Variants in RYR2 observed in about 807,000 individuals in gnomAD.
The protein encoded by RYR2 is cardiac muscle ryanodine receptor-calcium release channel.
A neutral mutation model predicts 601.1 loss-of-function variants in RYR2; 227 were observed. That is an observed-to-expected ratio of 0.38 (90% CI 0.34 to 0.42). The LOEUF is 0.42. RYR2 is among the 10% of genes least tolerant of loss of function. The pLI is 1.00. For missense variants in RYR2, 4,646 were observed against 6,156.5 expected (o/e 0.75, Z 8.21); for synonymous variants, 2,223 against 2,175.1 (o/e 1.02, Z -0.61).
At position 237,082,558 on chromosome 1, in the gene RYR2, A is replaced by ATATATAT. The variant is rs1558200818; in HGVS notation, c.48+39989_48+39990insTATATAT. 2.2e-3 allele frequency among the ~76,000 whole-genome samples: 54 copies of ATATATAT among 24,208 alleles called. 1 individual carries two copies. Among genetic ancestry groups the ATATATAT allele is most frequent in the African/African-American group, 3.1e-3 (48 of 15,706 alleles). 15.9% of individuals were successfully genotyped at this position (24,208 alleles called of 152,430 possible). A position where few individuals can be genotyped will look rare whatever the true frequency, so the allele number is the denominator to read the frequency against. On this transcript the variant is annotated intron_variant, in intron 1 of 104. Transcript: ENST00000366574. Reference sequence around the variant, plus strand: ...ATATATATATATATATATATATATAAAATCGGATATAAAATCAGAGAGTAA... The same window carrying ATATATAT: ...ATATATATATATATATATATATATAATATATATAATCGGATATAAAATCAGAGAGTAA...
At chr1:237,736,457 G>A (rs1455478767) in intron 79 of RYR2, among the ~76,000 whole-genome samples, 4 of 57,328 alleles carry the variant, frequency 7.0e-5, no homozygotes, top group Admixed American at 2.0e-4. Context: ...GTGAGAGTCC[G>A]TTTCAAAAAA....
chr1:237,099,269 G>A (rs953771772), intron 1 of RYR2, among the ~76,000 whole-genome samples: 3 of 152,088 alleles, frequency 2.0e-5, no homozygotes, highest in African/African-American at 7.2e-5. Context: ...ACAGGGTCTT[G>A]TTCTGTGACT....
intron 4 of RYR2, among the ~76,000 whole-genome samples, chr1:237,361,227 A>G (rs1558684300): frequency 6.6e-6 from 1 of 152,206 alleles, no homozygotes; most frequent in East Asian, 1.9e-4. Flanking sequence ...GGAACTCAGA[A>G]TTGTTGTTAA....
chr1:237,772,514 T>C (rs921483691), intron 86 of RYR2, among the ~76,000 whole-genome samples: 1 of 152,220 alleles, frequency 6.6e-6, no homozygotes, highest in African/African-American at 2.4e-5. Context: ...CTAAGGTCAG[T>C]TCTTTTCAGC....
intron 10 of RYR2, among the ~76,000 whole-genome samples, chr1:237,411,760 T>C (rs1476128060): frequency 6.6e-6 from 1 of 152,082 alleles, no homozygotes; most frequent in South Asian, 2.1e-4. Flanking sequence ...CTTAAGAAAG[T>C]TAATAACAAT....
At chr1:237,780,601 G>A (rs918792247) in intron 88 of RYR2, among the ~76,000 whole-genome samples, 5 of 152,142 alleles carry the variant, frequency 3.3e-5, no homozygotes, top group African/African-American at 4.8e-5. Flanking sequence ...ATAGCTAAGC[G>A]TAGTGATGTT....
At position 237,732,079 on chromosome 1, in the gene RYR2, G is replaced by A. The variant is rs1476256919; in HGVS notation, c.10969G>A (p.Gly3657Ser). The change falls in exon 78 of 105, where the codon GGC becomes AGC. Residue 3657 changes from glycine to serine, a missense_variant. Around this residue, in one of 17 missense-constraint regions of RYR2, gnomAD observed 1,497 missense variants for 1,842.6 expected, o/e 0.81. Transcript: ENST00000366574. The part of the protein sequence containing the change: ...PGAEPPEEDE[G>S]TKRVDPLHQL... ...GGCTGAACCTCCAGAAGAAGATGAA[G>A]GCACTAAGAGAGTTGATCCTCTACA... 2 of 1,608,668 alleles carry A rather than the reference G, an allele frequency of 1.2e-6. No homozygotes were observed. The highest frequency in any genetic ancestry group is 1.1e-5 in the South Asian group (1 of 90,396).
chr1:237,576,140 C>A, intron 29 of RYR2, among the ~76,000 whole-genome samples: 1 of 152,102 alleles, frequency 6.6e-6, no homozygotes, highest in East Asian at 1.9e-4. Context: ...GTGTTATGTT[C>A]ATGGAGAAGA....
Position 237,589,879 on chromosome 1 carries a change from A to G in RYR2, c.3685A>G (p.Ile1229Val). 6.2e-7 allele frequency: 1 copy of G among 1,613,900 alleles called. No individual in the cohort carries two copies. ...TGTCAGCACCTTGAAATATTTCACC[A>G]TCTGTGGCTTACAAGAGGGCTATGA... is the stretch of plus-strand genomic sequence containing the variant. The part of the protein sequence containing the change: ...KDVSTLKYFT[I>V]CGLQEGYEPF... Residue 1229 changes from isoleucine (I) to valine (V), a missense_variant, in exon 30 of 105, where the codon ATC becomes GTC. By Grantham distance (29) the Ile-to-Val change is conservative. Around this residue, in one of 17 missense-constraint regions of RYR2, gnomAD observed 1,807 missense variants for 2,088.1 expected, o/e 0.87. Transcript: ENST00000366574.
intron 20 of RYR2, among the ~76,000 whole-genome samples, chr1:237,499,015 G>A (rs1664359915): frequency 6.6e-6 from 1 of 152,008 alleles, no homozygotes; most frequent in Non-Finnish European, 1.5e-5. Flanking sequence ...TGGAATGTGA[G>A]TTATGAAGCT....
At chr1:237,177,779 G>T (rs953668671) in intron 1 of RYR2, among the ~76,000 whole-genome samples, 2 of 152,228 alleles carry the variant, frequency 1.3e-5, no homozygotes, top group Non-Finnish European at 2.9e-5. Flanking sequence ...ACATGTACAA[G>T]AATTTCTTTA....
chr1:237,543,220 GT>G (rs1187049923), intron 25 of RYR2, among the ~76,000 whole-genome samples: 2 of 152,060 alleles, frequency 1.3e-5, no homozygotes, highest in Non-Finnish European at 2.9e-5. Flanking sequence ...ATACTTCATG[GT>G]CTTGTTTCAA....
chr1:237,402,761 G>A (rs1406763649), intron 10 of RYR2, among the ~76,000 whole-genome samples: 1 of 139,334 alleles, frequency 7.2e-6, no homozygotes, highest in Non-Finnish European at 1.6e-5. Context: ...CAAAAAAATT[G>A]AAAAGCCAGA....
At chr1:237,764,929 T>C (rs1693730937) in intron 84 of RYR2, among the ~76,000 whole-genome samples, 1 of 152,160 alleles carries the variant, frequency 6.6e-6, no homozygotes, top group South Asian at 2.1e-4. Context: ...AGCTTTCAGA[T>C]GAATTATTTA....
At chr1:237,302,228 T>C (rs1693423609) in intron 2 of RYR2, among the ~76,000 whole-genome samples, 1 of 152,230 alleles carries the variant, frequency 6.6e-6, no homozygotes, top group Non-Finnish European at 1.5e-5. Context: ...ATTTATTTTC[T>C]GTCAAACAAG....
chr1:237,681,023 C>T (rs1685832978), intron 62 of RYR2, among the ~76,000 whole-genome samples: 2 of 152,116 alleles, frequency 1.3e-5, no homozygotes, highest in Admixed American at 1.3e-4. Context: ...AGTAAAGATA[C>T]CTATAAAATT....
chr1:237,595,800 C>T (rs2148476392), intron 34 of RYR2, 143 bp downstream of exon 34: 1 of 972,324 alleles, frequency 1.0e-6, no homozygotes, highest in African/African-American at 1.7e-5. Flanking sequence ...AGCAGACCTG[C>T]CCCTAGCAAG....
rs1553341640 is a variant in RYR2, at chr1:237,827,649, AAT to A, written c.14591-731_14591-730del. 5.4e-3 allele frequency among the ~76,000 whole-genome samples: 749 copies of A among 138,166 alleles called. 4 individuals carry two copies. Among genetic ancestry groups the A allele is most frequent in the African/African-American group, 0.019 (710 of 37,032 alleles). The allele number at this position is 138,166 out of a possible 152,430, so 90.6% of individuals were successfully genotyped here. ...TCTCAAAAAAAAAAAAAAAAAAAAA[AAT>A]GACTTGACTGGGCATGGTGGCTCAC... On this transcript the variant is annotated intron_variant, in intron 101 of 104. Transcript: ENST00000366574.
At chr1:237,590,326 T>G (rs1318271167) in intron 30 of RYR2, among the ~76,000 whole-genome samples, 3 of 152,178 alleles carry the variant, frequency 2.0e-5, no homozygotes, top group African/African-American at 7.2e-5. Flanking sequence ...CCACATCCAT[T>G]CTCATATTAG....
Sources: gnomAD v4.1 joint callset for allele counts (sites outside exome capture counted in the v4.1 genomes callset) on GRCh38, gnomAD v4.1.1 for gene constraint, gnomAD v4.1.1 regional missense constraint, MANE v1.5 for transcripts, NCBI Gene and HGNC (gene_info 2026-07-23, HGNC 2026-07-21) for gene names.